Variants in PTPRT observed in about 807,000 individuals in gnomAD.
The protein encoded by PTPRT is receptor-type tyrosine-protein phosphatase T.
Under a neutral mutation model 176.8 loss-of-function variants are expected in PTPRT, and 56 were observed. The observed-to-expected ratio is 0.32, with a 90% CI of 0.26 to 0.40. PTPRT has a LOEUF of 0.40. Among genes scored for constraint, PTPRT ranks in the 10% least tolerant of loss-of-function variants. PTPRT has a pLI of 1.00. For missense variants in PTPRT, 1,540 were observed against 1,908.2 expected (o/e 0.81, Z 3.60); for synonymous variants, 783 against 739.0 (o/e 1.06, Z -0.96).
chr20:42,265,326 A>T (rs565239705), intron 13 of PTPRT, among the ~76,000 whole-genome samples: 1 of 152,168 alleles, frequency 6.6e-6, no homozygotes, highest in East Asian at 1.9e-4. Flanking sequence ...ATCATTTCAG[A>T]GTTGAGTGAT....
the PTPRT span, among the ~76,000 whole-genome samples, chr20:42,044,026 A>G: frequency 6.6e-6 from 1 of 152,226 alleles, no homozygotes; most frequent in Non-Finnish European, 1.5e-5. Context: ...ACTCACTGAG[A>G]CCAGCATGCC....
chr20:42,696,994 C>T (rs1304598966), intron 6 of PTPRT, among the ~76,000 whole-genome samples: 3 of 152,164 alleles, frequency 2.0e-5, no homozygotes, highest in East Asian at 1.9e-4. Context: ...TCATAGACAA[C>T]TAAGACATCA....
At chr20:42,666,343 TA>T (rs568193589) in intron 7 of PTPRT, among the ~76,000 whole-genome samples, 1 of 151,954 alleles carries the variant, frequency 6.6e-6, no homozygotes, top group South Asian at 2.1e-4. Flanking sequence ...TTTCAAAAAT[TA>T]AAAAAATATA....
intron 7 of PTPRT, among the ~76,000 whole-genome samples, chr20:42,582,195 G>T (rs2073385379): frequency 6.6e-6 from 1 of 152,196 alleles, no homozygotes; most frequent in Non-Finnish European, 1.5e-5. Flanking sequence ...GGAAGCACCT[G>T]TCTTGGTCTT....
chr20:42,443,657 A>G (rs1201580828), intron 9 of PTPRT, among the ~76,000 whole-genome samples: 1 of 152,164 alleles, frequency 6.6e-6, no homozygotes, highest in Non-Finnish European at 1.5e-5. Flanking sequence ...AGACGGTTTC[A>G]TAGCCCTGGA....
intron 2 of PTPRT, among the ~76,000 whole-genome samples, chr20:42,872,402 G>A (rs1240095427): frequency 6.6e-6 from 1 of 152,242 alleles, no homozygotes; most frequent in Non-Finnish European, 1.5e-5. Context: ...TGAGAACAGA[G>A]TACGTGCCTT....
intron 17 of PTPRT, among the ~76,000 whole-genome samples, chr20:42,144,115 T>C (rs917721555): frequency 1.3e-5 from 2 of 152,094 alleles, no homozygotes; most frequent in African/African-American, 4.8e-5. Flanking sequence ...AGAGTGGATG[T>C]GTGCAGGGCA....
chr20:42,420,455 G>A (rs1032878420), intron 9 of PTPRT, among the ~76,000 whole-genome samples: 2 of 152,006 alleles, frequency 1.3e-5, no homozygotes, highest in East Asian at 1.9e-4. Flanking sequence ...TAGAAAACCC[G>A]GAGAGAGAGA....
rs150037751 is a variant in PTPRT, at chr20:42,505,516, G to A, written c.1154-32954C>T. Reference sequence around the variant, plus strand: ...CAGGTTTCATCATGTTGGTCAGGCTGGTTTTGAATTCCTTATTTCAGGTGA... The same window carrying A: ...CAGGTTTCATCATGTTGGTCAGGCTAGTTTTGAATTCCTTATTTCAGGTGA... On this transcript the variant is annotated intron_variant, in intron 7 of 30. Coordinates refer to ENST00000373187, the MANE Select transcript of PTPRT (RefSeq NM_007050.6). Among the ~76,000 whole-genome samples the A allele has an allele frequency of 7.4e-4, 112 of 152,126 alleles. 1 individual carries two copies. The East Asian group carries it at 0.02, about 28-fold the overall frequency.
intron 1 of PTPRT, among the ~76,000 whole-genome samples, chr20:43,044,545 T>C (rs1402636413): frequency 2.6e-5 from 4 of 152,180 alleles, no homozygotes; most frequent in African/African-American, 9.7e-5. Flanking sequence ...CTTTTCAGAA[T>C]TGCCAACACA....
intron 2 of PTPRT, among the ~76,000 whole-genome samples, chr20:42,878,058 T>C (rs2078963283): frequency 6.6e-6 from 1 of 152,224 alleles, no homozygotes; most frequent in African/African-American, 2.4e-5. Flanking sequence ...CCATTCTGTT[T>C]TGGGTATATA....
chr20:42,916,656 T>A (rs915910263), intron 1 of PTPRT, among the ~76,000 whole-genome samples: 84 of 152,198 alleles, frequency 5.5e-4, no homozygotes, highest in Non-Finnish European at 7.5e-4. Context: ...TGATGGCCAT[T>A]CTAACTGGTG....
rs555956170 is a variant in PTPRT at position 42,290,017 on chromosome 20, G to A, written c.2140-7492C>T. 1.8e-4 allele frequency among the ~76,000 whole-genome samples: 27 copies of A among 152,088 alleles called. No individual in the cohort carries two copies. The South Asian group carries it at 5.4e-3, about 30-fold the overall frequency. ...AAGTCACTCTCTTGACCTTCTGAGT[G>A]ACTAGATTGTCAGCAAGCAAATCAG... On this transcript the variant is annotated intron_variant, in intron 12 of 30. Coordinates refer to ENST00000373187, the MANE Select transcript of PTPRT (RefSeq NM_007050.6).
chr20:43,098,912 C>T (rs1158509322), intron 1 of PTPRT, among the ~76,000 whole-genome samples: 1 of 152,138 alleles, frequency 6.6e-6, no homozygotes. Context: ...TGCCCTCAAT[C>T]ATTCTGACAG....
chr20:42,896,054 G>A (rs2079290515), intron 1 of PTPRT, among the ~76,000 whole-genome samples: 1 of 152,146 alleles, frequency 6.6e-6, no homozygotes, highest in African/African-American at 2.4e-5. Context: ...ATAAGGGATT[G>A]AGTAAAGAAC....
intron 7 of PTPRT, among the ~76,000 whole-genome samples, chr20:42,581,387 C>G (rs2073368039): frequency 6.6e-6 from 1 of 152,130 alleles, no homozygotes; most frequent in African/African-American, 2.4e-5. Flanking sequence ...TTTCTGTCTC[C>G]CACATGAAAA....
At position 42,943,407 on chromosome 20, in the gene PTPRT, C is replaced by G. The variant is rs117239449; in HGVS notation, c.89-57475G>C. On this transcript the variant is annotated intron_variant, in intron 1 of 30. Transcript: ENST00000373187. Reference sequence around the variant, plus strand: ...CGGGTCAGAAGCTTGTGCCCAATGCCTAAAGTTGAGCGGGTGCAGGGAAGC... The same window carrying G: ...CGGGTCAGAAGCTTGTGCCCAATGCGTAAAGTTGAGCGGGTGCAGGGAAGC... 3.8e-3 allele frequency among the ~76,000 whole-genome samples: 574 copies of G among 152,274 alleles called. 9 individuals carry two copies. The highest frequency in any genetic ancestry group is 0.03 in the Admixed American group (458 of 15,292).
intron 15 of PTPRT, 31 bp downstream of exon 15, chr20:42,236,198 G>A (rs765578802): frequency 2.0e-5 from 32 of 1,568,788 alleles, no homozygotes; most frequent in Middle Eastern, 1.7e-4. Context: ...TACAGGGCAC[G>A]AAGCAAAGTT....
At chr20:43,134,351 C>T (rs1346812612) in intron 1 of PTPRT, among the ~76,000 whole-genome samples, 2 of 152,174 alleles carry the variant, frequency 1.3e-5, no homozygotes, top group African/African-American at 2.4e-5. Flanking sequence ...AAGAGTGCTG[C>T]TAGGTCAGTT....
Sources: gnomAD v4.1 joint callset for allele counts (sites outside exome capture counted in the v4.1 genomes callset) on GRCh38, gnomAD v4.1.1 for gene constraint, MANE v1.5 for transcripts, NCBI Gene and HGNC (gene_info 2026-07-23, HGNC 2026-07-21) for gene names.